ADAMTS9: variants seen among roughly 807,000 people sequenced by gnomAD.
ADAMTS9 encodes the protein ADAM metallopeptidase with thrombospondin type 1 motif 9, also known as A disintegrin and metalloproteinase with thrombospondin motifs 9.
In ADAMTS9, 107 loss-of-function variants were observed where a neutral mutation model predicts 257.1. The ratio of observed to expected loss-of-function variants is 0.42; its 90% CI spans 0.36 to 0.49. The LOEUF (loss-of-function observed/expected upper bound fraction) is 0.49, where lower values mean the gene tolerates loss of function less well. Among genes scored for constraint, ADAMTS9 ranks in the 20% least tolerant of loss-of-function variants. ADAMTS9 has a pLI of 0.03. For synonymous variants in ADAMTS9, 982 were observed against 880.9 expected (o/e 1.11, Z -2.03); for missense variants, 2,353 against 2,469.1 (o/e 0.95, Z 1.00).
intron 37 of ADAMTS9, 72 bp from the exon 38 acceptor site, chr3:64,533,342 T>C: frequency 1.7e-6 from 2 of 1,170,072 alleles, no homozygotes; most frequent in East Asian, 4.7e-5. Flanking sequence ...GCAAAGGTGA[T>C]ACAATAAAAG....
intron 30 of ADAMTS9, among the ~76,000 whole-genome samples, chr3:64,556,025 T>C (rs1355393514): frequency 2.6e-5 from 4 of 152,182 alleles, no homozygotes; most frequent in Non-Finnish European, 4.4e-5. Flanking sequence ...TTCCCTACTG[T>C]TAACTTCAGG....
intron 28 of ADAMTS9, among the ~76,000 whole-genome samples, chr3:64,591,087 C>A (rs1222941130): frequency 1.3e-5 from 2 of 152,116 alleles, no homozygotes; most frequent in Non-Finnish European, 2.9e-5. Flanking sequence ...TATGCATAGA[C>A]TACTTAATGT....
At chr3:64,639,326 A>C (rs1273162707) in intron 12 of ADAMTS9, among the ~76,000 whole-genome samples, 5 of 148,632 alleles carry the variant, frequency 3.4e-5, no homozygotes, top group East Asian at 2.0e-4. Flanking sequence ...AAAAAAAAAA[A>C]AAAAACCTCC....
chr3:64,542,232 C>A (rs1424964419), intron 32 of ADAMTS9, among the ~76,000 whole-genome samples: 7 of 135,144 alleles, frequency 5.2e-5, no homozygotes, highest in African/African-American at 1.7e-4. Flanking sequence ...CACACACACA[C>A]ACACACACAT....
chr3:64,590,541 CTG>C (rs746159643), intron 28 of ADAMTS9, among the ~76,000 whole-genome samples: 16 of 152,100 alleles, frequency 1.1e-4, no homozygotes, highest in Admixed American at 6.6e-4. Context: ...CTGCTTAAAA[CTG>C]TGTTTAGAAA....
chr3:64,660,422 T>C (rs1206033295), intron 3 of ADAMTS9, among the ~76,000 whole-genome samples: 2 of 152,212 alleles, frequency 1.3e-5, no homozygotes, highest in African/African-American at 4.8e-5. Flanking sequence ...CCCTTTTTCA[T>C]GGTTTCGGTT....
chr3:64,633,018 G>A (rs573065460), intron 14 of ADAMTS9, among the ~76,000 whole-genome samples: 1 of 152,282 alleles, frequency 6.6e-6, no homozygotes, highest in Non-Finnish European at 1.5e-5. Context: ...TAACAGGAAT[G>A]TCTCAGGTAA....
At chr3:64,619,857 G>A (rs1296558470) in intron 19 of ADAMTS9, among the ~76,000 whole-genome samples, 1 of 152,100 alleles carries the variant, frequency 6.6e-6, no homozygotes, top group Non-Finnish European at 1.5e-5. Context: ...AAACTGTAGT[G>A]ATTAATTCAG....
At position 64,655,564 on chromosome 3, in the gene ADAMTS9, A is replaced by C; in HGVS notation, c.1169+12T>G. The stretch of plus-strand genomic sequence containing the variant: ...GAGACTGAAAGATCTGAGGAATAAG[A>C]AATCCATATACCTTGTTAAGAGAAC... On this transcript the variant is annotated intron_variant, in intron 6 of 39. Coordinates refer to ENST00000498707, the MANE Select transcript of ADAMTS9 (RefSeq NM_182920.2). 1 of 1,595,550 alleles carries C rather than the reference A, an allele frequency of 6.3e-7. No homozygotes were observed. Among genetic ancestry groups the C allele is most frequent in the Non-Finnish European group, 8.6e-7 (1 of 1,163,394 alleles).
In ADAMTS9 at chr3:64,517,430, T is replaced by TTTTTTTG. The variant is rs1450456575; in HGVS notation, c.*6-310_*6-309insCAAAAAA. Among the ~76,000 whole-genome samples, 10 of 131,480 alleles carry TTTTTTTG rather than the reference T, an allele frequency of 7.6e-5. 1 individual carries two copies. The highest frequency in any genetic ancestry group is 2.7e-4 in the African/African-American group (10 of 37,364). 86.3% of individuals were successfully genotyped at this position (131,480 alleles called of 152,430 possible). A position where few individuals can be genotyped will look rare whatever the true frequency, so the allele number is the denominator to read the frequency against. On this transcript the variant is annotated intron_variant, in intron 39 of 39. Transcript: ENST00000498707. ...AATTAAAAATGGTTTTTTTTTTTTT[T>TTTTTTTG]TTTTTTTTTGCAGAAATGGGAGTCT... is the stretch of plus-strand genomic sequence containing the variant.
intron 12 of ADAMTS9, among the ~76,000 whole-genome samples, chr3:64,635,044 A>T (rs1700461095): frequency 6.6e-6 from 1 of 152,146 alleles, no homozygotes; most frequent in South Asian, 2.1e-4. Flanking sequence ...TGCACATAGT[A>T]GATGCCATAA....
Position 64,602,047 on chromosome 3 carries a change from G to A in ADAMTS9, c.3914C>T (p.Ala1305Val). ...GTCCTCATTTTGGAAGGGGTGCTGA[G>A]CTAAGCCACTGTCTGGGGTCCTTTG... is the stretch of plus-strand genomic sequence containing the variant. ...CPQRTPDSGL[A>V]QHPFQNEDYR... The change falls in exon 26 of 40, where the codon GCT (alanine) becomes GTT (valine). Residue 1305 changes from alanine (A) to valine (V), a missense_variant. Ala to Val is a moderately conservative substitution (Grantham distance 64, BLOSUM62 0). Coordinates refer to ENST00000498707, the MANE Select transcript of ADAMTS9 (RefSeq NM_182920.2). 6.2e-7 allele frequency: 1 copy of A among 1,614,060 alleles called. No homozygotes were observed. Among genetic ancestry groups the A allele is most frequent in the South Asian group, 1.1e-5 (1 of 91,068 alleles).
intron 27 of ADAMTS9, among the ~76,000 whole-genome samples, chr3:64,595,270 T>G (rs1203621882): frequency 6.6e-6 from 1 of 152,172 alleles, no homozygotes; most frequent in African/African-American, 2.4e-5. Flanking sequence ...AGGACAACTA[T>G]GACTTTCCCC....
chr3:64,525,767 T>C (rs1025907209), intron 38 of ADAMTS9, among the ~76,000 whole-genome samples: 3 of 151,644 alleles, frequency 2.0e-5, no homozygotes, highest in Non-Finnish European at 4.4e-5. Context: ...TGCACTACCA[T>C]ACCTGGCTAA....
chr3:64,658,300 C>T (rs1701135843), intron 4 of ADAMTS9, among the ~76,000 whole-genome samples: 1 of 152,200 alleles, frequency 6.6e-6, no homozygotes, highest in African/African-American at 2.4e-5. Flanking sequence ...CATTGTCTAA[C>T]ACAGAATAAA....
intron 30 of ADAMTS9, 123 bp downstream of exon 30, chr3:64,561,455 G>T: frequency 1.8e-6 from 2 of 1,119,262 alleles, no homozygotes; most frequent in South Asian, 1.9e-5. Flanking sequence ...GAACCTTTTG[G>T]GAAAGAGCCA....
intron 28 of ADAMTS9, among the ~76,000 whole-genome samples, chr3:64,585,886 C>T (rs756812461): frequency 6.6e-6 from 1 of 152,042 alleles, no homozygotes; most frequent in Non-Finnish European, 1.5e-5. Flanking sequence ...TTTGCTTATC[C>T]CCTAAGCAAA....
At chr3:64,652,667 T>C (rs1700959924) in intron 8 of ADAMTS9, among the ~76,000 whole-genome samples, 2 of 152,332 alleles carry the variant, frequency 1.3e-5, no homozygotes, top group East Asian at 3.9e-4. Context: ...TAAATAATAA[T>C]AAATGCTTAT....
chr3:64,598,457 G>A (rs528682648), intron 26 of ADAMTS9, among the ~76,000 whole-genome samples: 6 of 151,810 alleles, frequency 4.0e-5, no homozygotes, highest in South Asian at 4.2e-4. Context: ...GCTGGAGACC[G>A]TTGGTGTACA....
Sources: allele counts gnomAD v4.1 joint callset (sites outside exome capture counted in the v4.1 genomes callset), GRCh38; gene constraint gnomAD v4.1.1; transcripts MANE v1.5; gene names NCBI Gene and HGNC (gene_info 2026-07-23, HGNC 2026-07-21).